KAZN: variants seen among roughly 807,000 people sequenced by gnomAD.
KAZN encodes kazrin, periplakin interacting protein.
In KAZN, 40 loss-of-function variants were observed where a neutral mutation model predicts 87.4. The ratio of observed to expected loss-of-function variants is 0.46; its 90% CI spans 0.36 to 0.60. The LOEUF (loss-of-function observed/expected upper bound fraction) is 0.60. KAZN is among the 20% of genes least tolerant of loss of function. The pLI, the probability that KAZN is intolerant of heterozygous loss-of-function variation, is 0.00. For synonymous variants in KAZN, 466 were observed against 458.3 expected, an observed-to-expected ratio of 1.02 and a Z score of -0.22; for missense variants, 898 against 1,073.9, an observed-to-expected ratio of 0.84 and a Z score of 2.29.
intron 1 of KAZN, among the ~76,000 whole-genome samples, chr1:14,077,093 C>T (rs1643491629): frequency 6.6e-6 from 1 of 152,166 alleles, no homozygotes; most frequent in Non-Finnish European, 1.5e-5. Context: ...CCAGTTGCTT[C>T]CTCGGGCCAC....
chr1:15,042,123 T>C (rs1327681612), intron 3 of KAZN, among the ~76,000 whole-genome samples: 3 of 152,162 alleles, frequency 2.0e-5, no homozygotes, highest in Non-Finnish European at 2.9e-5. Flanking sequence ...CCTTGGTCTG[T>C]TCGTGAGTAG....
intron 1 of KAZN, among the ~76,000 whole-genome samples, chr1:14,649,867 G>A (rs372741143): frequency 6.6e-6 from 1 of 152,104 alleles, no homozygotes; most frequent in Non-Finnish European, 1.5e-5. Context: ...ACTTTGTAAT[G>A]TAGTGTGCGT....
intron 2 of KAZN, among the ~76,000 whole-genome samples, chr1:14,592,362 A>C (rs1314412871): frequency 6.6e-6 from 1 of 152,150 alleles, no homozygotes; most frequent in Non-Finnish European, 1.5e-5. Context: ...TGGCATATAC[A>C]TATTTCACAC....
intron 1 of KAZN, among the ~76,000 whole-genome samples, chr1:13,933,573 A>G (rs978193603): frequency 2.6e-5 from 4 of 152,136 alleles, no homozygotes; most frequent in African/African-American, 7.2e-5. Context: ...TGTTTACTGA[A>G]CCTTTGTTTT....
intron 1 of KAZN, among the ~76,000 whole-genome samples, chr1:14,095,868 C>T (rs1296630247): frequency 6.6e-6 from 1 of 152,068 alleles, no homozygotes; most frequent in Non-Finnish European, 1.5e-5. Flanking sequence ...ATAAGACCAC[C>T]TAGATTCAGA....
intron 1 of KAZN, among the ~76,000 whole-genome samples, chr1:14,826,781 A>G (rs1030695878): frequency 1.3e-5 from 2 of 152,150 alleles, no homozygotes; most frequent in African/African-American, 4.8e-5. Context: ...TCCCATTGGT[A>G]AGCCTGGCTG....
At chr1:14,321,896 A>G (rs1656075080) in intron 2 of KAZN, among the ~76,000 whole-genome samples, 1 of 152,176 alleles carries the variant, frequency 6.6e-6, no homozygotes, top group Non-Finnish European at 1.5e-5. Flanking sequence ...AAGAGAGCTT[A>G]CCCATGGACT....
At chr1:14,013,523 C>T (rs1325444576) in intron 1 of KAZN, among the ~76,000 whole-genome samples, 1 of 152,120 alleles carries the variant, frequency 6.6e-6, no homozygotes, top group Non-Finnish European at 1.5e-5. Context: ...TGTGTACCCA[C>T]CACTGTCAGA....
At chr1:14,503,279 C>T (rs755289957) in intron 2 of KAZN, among the ~76,000 whole-genome samples, 29 of 124,918 alleles carry the variant, frequency 2.3e-4, no homozygotes, top group East Asian at 8.4e-4. Context: ...GTCAGGAGAT[C>T]GAGAGCATCC....
intron 1 of KAZN, among the ~76,000 whole-genome samples, chr1:14,945,551 C>G (rs938616802): frequency 1.3e-4 from 20 of 152,234 alleles, no homozygotes; most frequent in African/African-American, 4.6e-4. Context: ...CCCCCTCCCC[C>G]CACCCCGGCT....
chr1:14,956,118 G>A (rs866022618), intron 1 of KAZN, among the ~76,000 whole-genome samples: 2 of 152,138 alleles, frequency 1.3e-5, no homozygotes, highest in African/African-American at 2.4e-5. Context: ...TGGCATCTGT[G>A]CAGCATACAT....
At chr1:14,286,808 G>C (rs1653288214) in intron 2 of KAZN, among the ~76,000 whole-genome samples, 1 of 151,960 alleles carries the variant, frequency 6.6e-6, no homozygotes, top group Non-Finnish European at 1.5e-5. Flanking sequence ...CTCATAACTT[G>C]AATTTTCTGT....
At position 14,255,671 on chromosome 1, in the gene KAZN, A is replaced by G. The variant is rs879918140; in HGVS notation, c.249+75079A>G. Reference sequence around the variant, plus strand: ...GCACGGTGTGACTTCCACAATGGTCATGGGTGCAGTACTTACAACCTGTCT... The same window carrying G: ...GCACGGTGTGACTTCCACAATGGTCGTGGGTGCAGTACTTACAACCTGTCT... On this transcript the variant is annotated intron_variant, in intron 2 of 16. Coordinates refer to the KAZN transcript ENST00000636203. 5.9e-5 allele frequency among the ~76,000 whole-genome samples: 9 copies of G among 152,254 alleles called. No homozygotes were observed. The East Asian group carries it at 9.6e-4, about 16-fold the overall frequency.
At chr1:14,229,284 A>T (rs144371735) in intron 2 of KAZN, among the ~76,000 whole-genome samples, 87 of 152,320 alleles carry the variant, frequency 5.7e-4, no homozygotes, top group Admixed American at 5.0e-3. Flanking sequence ...CTGTTTTGGC[A>T]CATAATATAT....
intron 1 of KAZN, among the ~76,000 whole-genome samples, chr1:14,763,576 G>A (rs1041134322): frequency 2.0e-5 from 3 of 152,200 alleles, no homozygotes; most frequent in Non-Finnish European, 4.4e-5. Context: ...TTCAATTGCA[G>A]TGAGCTCGGA....
At chr1:14,385,515 T>G (rs1181986863) in intron 2 of KAZN, among the ~76,000 whole-genome samples, 1 of 152,232 alleles carries the variant, frequency 6.6e-6, no homozygotes, top group Non-Finnish European at 1.5e-5. Context: ...ATGTTGTGTC[T>G]TTGTTCTCGT....
chr1:14,118,683 G>A (rs1448245954), intron 1 of KAZN, among the ~76,000 whole-genome samples: 1 of 152,296 alleles, frequency 6.6e-6, no homozygotes, highest in East Asian at 1.9e-4. Flanking sequence ...TCATCTGGTT[G>A]AATCATGAGG....
At chr1:14,303,960 C>A (rs77796645) in intron 2 of KAZN, among the ~76,000 whole-genome samples, 1 of 152,194 alleles carries the variant, frequency 6.6e-6, no homozygotes, top group East Asian at 1.9e-4. Context: ...CAATAAACAA[C>A]CCTTCCTCCA....
At chr1:14,387,636 G>T (rs2101075068) in intron 2 of KAZN, among the ~76,000 whole-genome samples, 1 of 152,250 alleles carries the variant, frequency 6.6e-6, no homozygotes, top group East Asian at 1.9e-4. Context: ...GGGGTTCAGG[G>T]GTCAGGGACC....
Sources: allele counts gnomAD v4.1 joint callset (sites outside exome capture counted in the v4.1 genomes callset), GRCh38; gene constraint gnomAD v4.1.1; transcripts MANE v1.5; gene names NCBI Gene and HGNC (gene_info 2026-07-23, HGNC 2026-07-21).